PAPPA2: variants seen among roughly 807,000 people sequenced by gnomAD.
PAPPA2 encodes pappalysin-2.
In PAPPA2, 86 loss-of-function variants were observed where a neutral mutation model predicts 176.4. That is an observed-to-expected ratio of 0.49 (90% CI 0.41 to 0.58). The LOEUF is 0.58. PAPPA2 is among the 20% of genes least tolerant of loss of function. PAPPA2 has a pLI of 0.00. For synonymous variants in PAPPA2, 809 were observed against 852.2 expected (o/e 0.95, Z 0.88); for missense variants, 2,073 against 2,256.9 (o/e 0.92, Z 1.65).
intron 1 of PAPPA2, among the ~76,000 whole-genome samples, chr1:176,502,241 C>A (rs1338742458): frequency 1.3e-5 from 2 of 152,102 alleles, no homozygotes; most frequent in African/African-American, 2.4e-5. Flanking sequence ...GGTGGTGATG[C>A]CCCAAACAAG....
intron 1 of PAPPA2, among the ~76,000 whole-genome samples, chr1:176,530,571 C>T (rs1649754759): frequency 6.6e-6 from 1 of 151,604 alleles, no homozygotes; most frequent in South Asian, 2.1e-4. Flanking sequence ...AATCCATCTT[C>T]AGTAAGTTTG....
chr1:176,743,186 T>C (rs1292370710), intron 14 of PAPPA2, among the ~76,000 whole-genome samples: 4 of 152,162 alleles, frequency 2.6e-5, no homozygotes, highest in Non-Finnish European at 5.9e-5. Flanking sequence ...TGGGGTTAAA[T>C]TGAGAAACAT....
chr1:176,747,658 A>G (rs1468925223), intron 14 of PAPPA2, among the ~76,000 whole-genome samples: 1 of 152,222 alleles, frequency 6.6e-6, no homozygotes, highest in Non-Finnish European at 1.5e-5. Context: ...CTAATGTTGT[A>G]TAATAATATT....
intron 17 of PAPPA2, among the ~76,000 whole-genome samples, chr1:176,787,335 A>AG (rs1023498220): frequency 1.2e-4 from 19 of 152,150 alleles, no homozygotes; most frequent in African/African-American, 4.6e-4. Flanking sequence ...CCCAGGCTCA[A>AG]GCCATCCTCC....
chr1:176,515,625 T>C (rs767984252), intron 1 of PAPPA2, among the ~76,000 whole-genome samples: 2 of 152,204 alleles, frequency 1.3e-5, no homozygotes, highest in Non-Finnish European at 2.9e-5. Flanking sequence ...ATTTTTATCT[T>C]GTCCCTGTGA....
chr1:176,618,135 C>T (rs1655375171), intron 3 of PAPPA2, among the ~76,000 whole-genome samples: 1 of 152,166 alleles, frequency 6.6e-6, no homozygotes, highest in African/African-American at 2.4e-5. Flanking sequence ...TTTCTGACCC[C>T]AGTAAGTACT....
chr1:176,483,872 A>G (rs992033045), intron 1 of PAPPA2, among the ~76,000 whole-genome samples: 5 of 152,162 alleles, frequency 3.3e-5, no homozygotes, highest in African/African-American at 1.2e-4. Context: ...CTCGTCCACA[A>G]TGGCTCCTGA....
At chr1:176,615,697 TA>T (rs1334510044) in intron 3 of PAPPA2, among the ~76,000 whole-genome samples, 2 of 152,046 alleles carry the variant, frequency 1.3e-5, no homozygotes, top group Non-Finnish European at 2.9e-5. Flanking sequence ...AAGGCTTGGT[TA>T]AAAAAATATC....
intron 14 of PAPPA2, among the ~76,000 whole-genome samples, chr1:176,753,241 C>T (rs931497727): frequency 5.9e-5 from 9 of 152,194 alleles, no homozygotes; most frequent in African/African-American, 2.2e-4. Flanking sequence ...CGGGGCACAG[C>T]TCAGTACTTT....
intron 3 of PAPPA2, among the ~76,000 whole-genome samples, chr1:176,598,732 GT>G (rs1319087182): frequency 6.6e-6 from 1 of 152,018 alleles, no homozygotes. Flanking sequence ...TTAAAAAAAT[GT>G]TTTTTACACT....
At chr1:176,817,044 T>G (rs1666434610) in intron 21 of PAPPA2, among the ~76,000 whole-genome samples, 1 of 152,056 alleles carries the variant, frequency 6.6e-6, no homozygotes, top group African/African-American at 2.4e-5. Context: ...CCCCATCTCC[T>G]AGGAATCCCC....
intron 1 of PAPPA2, among the ~76,000 whole-genome samples, chr1:176,527,386 T>C (rs1408902620): frequency 6.6e-6 from 1 of 152,122 alleles, no homozygotes; most frequent in Admixed American, 6.5e-5. Flanking sequence ...GCTCATCAAG[T>C]GTAAGTTTGT....
rs1658784832 is a variant in PAPPA2, at chr1:176,668,340, C to G, written c.1992-2630C>G. 3.9e-5 allele frequency among the ~76,000 whole-genome samples: 6 copies of G among 152,166 alleles called. No individual in the cohort carries two copies. The South Asian group carries it at 1.2e-3, about 31-fold the overall frequency. On this transcript the variant is annotated intron_variant, in intron 3 of 22. Coordinates refer to ENST00000367662, the MANE Select transcript of PAPPA2 (RefSeq NM_020318.3). ...TAAGCAGGTTAATGCAGTTCATCCC[C>G]TTTTAATACAAAGTTCTGGTCAATG...
chr1:176,683,977 T>A (rs937681302), intron 4 of PAPPA2, among the ~76,000 whole-genome samples: 1 of 152,140 alleles, frequency 6.6e-6, no homozygotes, highest in Non-Finnish European at 1.5e-5. Flanking sequence ...CTTGGGAGAA[T>A]CTTTTCTAAG....
intron 3 of PAPPA2, among the ~76,000 whole-genome samples, chr1:176,653,835 T>A (rs963026436): frequency 2.6e-5 from 4 of 151,742 alleles, no homozygotes; most frequent in East Asian, 3.9e-4. Context: ...TGATGGATAA[T>A]TTTCTGTTCT....
chr1:176,652,293 G>C (rs1176518379), intron 3 of PAPPA2, among the ~76,000 whole-genome samples: 1 of 151,628 alleles, frequency 6.6e-6, no homozygotes, highest in East Asian at 1.9e-4. Context: ...GGCTTGTTTT[G>C]TTTCATATTG....
chr1:176,731,691 A>G (rs562448262), intron 12 of PAPPA2, among the ~76,000 whole-genome samples: 1 of 151,546 alleles, frequency 6.6e-6, no homozygotes, highest in Non-Finnish European at 1.5e-5. Context: ...ATATACATAT[A>G]TGTGTACATA....
Position 176,513,455 on chromosome 1 carries a change from C to T in PAPPA2, c.-916-41952C>T, listed in dbSNP as rs372495398. On this transcript the variant is annotated intron_variant, in intron 1 of 22. Coordinates refer to ENST00000367662, the MANE Select transcript of PAPPA2 (RefSeq NM_020318.3). ...CTACCTCTCCTTCTCTTTTGCCTTC[C>T]TCTGATCTTCCCTCCCTGCTTCTCA... Among the ~76,000 whole-genome samples the T allele has an allele frequency of 1.1e-4, 17 of 151,858 alleles. No individual in the cohort carries two copies. The East Asian group carries it at 1.4e-3, about 12-fold the overall frequency.
chr1:176,543,317 C>CCTCCATTG (rs1403452512), intron 1 of PAPPA2, among the ~76,000 whole-genome samples: 1 of 152,168 alleles, frequency 6.6e-6, no homozygotes, highest in Non-Finnish European at 1.5e-5. Context: ...CCCACTCTCA[C>CCTCCATTG]CTCCATTGCT....
Sources: allele counts gnomAD v4.1 joint callset (sites outside exome capture counted in the v4.1 genomes callset), GRCh38; gene constraint gnomAD v4.1.1; transcripts MANE v1.5; gene names NCBI Gene and HGNC (gene_info 2026-07-23, HGNC 2026-07-21).